Variants in TNFRSF10B observed in about 807,000 individuals in gnomAD.
TNFRSF10B encodes TNF receptor superfamily member 10b.
In TNFRSF10B, 35 loss-of-function variants were observed where a neutral mutation model predicts 41.4. That is an observed-to-expected ratio of 0.85 (90% CI 0.65 to 1.12). The LOEUF (loss-of-function observed/expected upper bound fraction) is 1.12, where lower values mean the gene tolerates loss of function less well. TNFRSF10B is among the 50% of genes most tolerant of loss of function. TNFRSF10B has a pLI of 0.00. For synonymous variants in TNFRSF10B, 230 were observed against 215.5 expected (o/e 1.07, Z -0.59); for missense variants, 584 against 552.7 (o/e 1.06, Z -0.57).
chr8:23,029,462 G>T (rs962792699), intron 4 of TNFRSF10B, 148 bp downstream of exon 4: 51 of 746,094 alleles, frequency 6.8e-5, no homozygotes, highest in Admixed American at 1.2e-4. Context: ...GGGGGCAGGG[G>T]TGGTGACACG....
At chr8:23,053,680 T>C (rs1023189966) in intron 1 of TNFRSF10B, among the ~76,000 whole-genome samples, 7 of 152,208 alleles carry the variant, frequency 4.6e-5, no homozygotes, top group African/African-American at 1.4e-4. Flanking sequence ...GAAAGGTCTA[T>C]AAAACTCTTA....
chr8:23,029,553 G>T, intron 4 of TNFRSF10B, 57 bp downstream of exon 4: 1 of 1,519,348 alleles, frequency 6.6e-7, no homozygotes, highest in Non-Finnish European at 9.0e-7. Context: ...GGTACAAGGA[G>T]ACTTGGGTCT....
chr8:23,061,637 C>T (rs1279983271), intron 1 of TNFRSF10B, among the ~76,000 whole-genome samples: 1 of 152,178 alleles, frequency 6.6e-6, no homozygotes, highest in Admixed American at 6.5e-5. Context: ...AGCTTTCCGT[C>T]TTTCAACACT....
At chr8:23,068,523 A>C in intron 1 of TNFRSF10B, 46 of 608,752 alleles carry the variant, frequency 7.6e-5, no homozygotes, top group East Asian at 2.1e-4. Context: ...GGATTCGGGA[A>C]TTTACACCAA....
chr8:23,051,765 C>G lies in TNFRSF10B; in HGVS notation c.145-8522G>C, dbSNP rs1047917651. On this transcript the variant is annotated intron_variant, in intron 1 of 8. Coordinates refer to ENST00000276431, the MANE Select transcript of TNFRSF10B (RefSeq NM_003842.5). ...TCATCATGTTAGCCAGGATGGTCTC[C>G]ATCTCCTGACCTTCTGATCCGCCCA... 9.2e-5 allele frequency among the ~76,000 whole-genome samples: 14 copies of G among 152,052 alleles called. No homozygotes were observed. The East Asian group carries it at 1.9e-3, about 21-fold the overall frequency.
rs781354427 is a variant in TNFRSF10B, at chr8:23,068,956, G to A, written c.-62C>T. On this transcript the variant is annotated 5_prime_UTR_variant, in exon 1 of 9. Coordinates refer to ENST00000276431, the MANE Select transcript of TNFRSF10B (RefSeq NM_003842.5). ...TGGGTTTCAGCCCTTAAAGTAGATC[G>A]GGCATCGTCGGTGTATTTTGTGGGC... 6.2e-7 allele frequency: 1 copy of A among 1,611,752 alleles called. No homozygotes were observed. The highest frequency in any genetic ancestry group is 8.5e-7 in the Non-Finnish European group (1 of 1,179,284).
At position 23,046,924 on chromosome 8, in the gene TNFRSF10B, C is replaced by T. The variant is rs1294237208; in HGVS notation, c.145-3681G>A. 5.9e-5 allele frequency among the ~76,000 whole-genome samples: 9 copies of T among 152,008 alleles called. No individual in the cohort carries two copies. The East Asian group carries it at 1.7e-3, about 29-fold the overall frequency. ...CATATGCACAAGAATGAAACTGGAC[C>T]CTTATCTTACACCATATACAAAAAT... On this transcript the variant is annotated intron_variant, in intron 1 of 8. Coordinates refer to ENST00000276431, the MANE Select transcript of TNFRSF10B (RefSeq NM_003842.5).
chr8:23,030,624 G>C, intron 3 of TNFRSF10B, 135 bp downstream of exon 3: 1 of 705,042 alleles, frequency 1.4e-6, no homozygotes. Context: ...AAAGCTCAAA[G>C]ACAAAATCAT....
rs1399341845 is a variant in TNFRSF10B, at chr8:23,022,192, C to G, written c.*479G>C. ...GGAGAATCGCTTGAGCCTGAGAGGT[C>G]AAGGCTATAGTGAGCCAAGATTGCA... On this transcript the variant is annotated 3_prime_UTR_variant, in exon 9 of 9. Coordinates refer to ENST00000276431, the MANE Select transcript of TNFRSF10B (RefSeq NM_003842.5). The G allele has an allele frequency of 6.7e-6, 3 of 450,982 alleles. No individual in the cohort carries two copies. The East Asian group carries it at 2.1e-4, about 31-fold the overall frequency. The allele number at this position is 450,982 out of a possible 1,614,324, so 27.9% of individuals were successfully genotyped here. A position where few individuals can be genotyped will look rare whatever the true frequency, so the allele number is the denominator to read the frequency against.
rs776143763 is a variant in TNFRSF10B at position 23,021,509 on chromosome 8, A to G, written c.*1162T>C. 367 of 454,012 alleles carry G rather than the reference A, an allele frequency of 8.1e-4. 2 individuals carry two copies. The highest frequency in any genetic ancestry group is 1.2e-3 in the Non-Finnish European group (283 of 226,796). 28.1% of individuals were successfully genotyped at this position (454,012 alleles called of 1,614,324 possible). Reference sequence around the variant, plus strand: ...TGTCTTCTATCTCCTGAGCCCAAACAGGGCTCAAGTTCACTTGGGATATGA... The same window carrying G: ...TGTCTTCTATCTCCTGAGCCCAAACGGGGCTCAAGTTCACTTGGGATATGA... On this transcript the variant is annotated 3_prime_UTR_variant, in exon 9 of 9. Coordinates refer to ENST00000276431, the MANE Select transcript of TNFRSF10B (RefSeq NM_003842.5).
chr8:23,034,502 G>A (rs532680127), intron 2 of TNFRSF10B, among the ~76,000 whole-genome samples: 17 of 152,312 alleles, frequency 1.1e-4, no homozygotes, highest in Non-Finnish European at 1.8e-4. Context: ...CAGGGCAGGA[G>A]GATTACTTGA....
chr8:23,046,361 T>A, intron 1 of TNFRSF10B, among the ~76,000 whole-genome samples: 1 of 151,826 alleles, frequency 6.6e-6, no homozygotes, highest in Non-Finnish European at 1.5e-5. Context: ...AAAAAATTAG[T>A]AAATTTAACT....
chr8:23,035,143 AT>A lies in TNFRSF10B; in HGVS notation c.251-4272del, dbSNP rs767212383. On this transcript the variant is annotated intron_variant, in intron 2 of 8. Coordinates refer to ENST00000276431, the MANE Select transcript of TNFRSF10B (RefSeq NM_003842.5). Reference sequence around the variant, plus strand: ...CTATGTCATAATTTAGTTTGCAGGTATTTTTTTTTTTTTAATTAAACAGAGT... The same window carrying A: ...CTATGTCATAATTTAGTTTGCAGGTATTTTTTTTTTTTAATTAAACAGAGT... 7.9e-3 allele frequency among the ~76,000 whole-genome samples: 1,129 copies of A among 142,018 alleles called. 3 individuals are homozygous for A. Among genetic ancestry groups the A allele is most frequent in the African/African-American group, 0.014 (535 of 37,498 alleles). The allele number at this position is 142,018 out of a possible 152,430, so 93.2% of individuals were successfully genotyped here. A position where few individuals can be genotyped will look rare whatever the true frequency, so the allele number is the denominator to read the frequency against.
chr8:23,030,594 G>T (rs527934030), intron 3 of TNFRSF10B, among the ~76,000 whole-genome samples, 165 bp downstream of exon 3: 1 of 151,910 alleles, frequency 6.6e-6, no homozygotes, highest in Non-Finnish European at 1.5e-5. Context: ...CCACTGTGCC[G>T]GGCCTGTTTT....
chr8:23,060,715 T>C (rs1376310883), intron 1 of TNFRSF10B, among the ~76,000 whole-genome samples: 1 of 152,244 alleles, frequency 6.6e-6, no homozygotes, highest in Non-Finnish European at 1.5e-5. Context: ...ATTGAATGTA[T>C]AGATCACTTT....
intron 2 of TNFRSF10B, among the ~76,000 whole-genome samples, chr8:23,041,860 C>T (rs1156234697): frequency 6.6e-6 from 1 of 152,158 alleles, no homozygotes; most frequent in Non-Finnish European, 1.5e-5. Context: ...GTCCTGTCTC[C>T]CTGGCCTATC....
rs985170916 is a variant in TNFRSF10B at position 23,030,774 on chromosome 8, T to G, written c.349A>C (p.Thr117Pro). ...TGTTCTGTACCTGAATCACACCTGGTGCAGCGCAAGCAGAAAAGGAGGTCA... is the reference window on the plus strand; with the variant it reads ...TGTTCTGTACCTGAATCACACCTGGGGCAGCGCAAGCAGAAAAGGAGGTCA... ...WNDLLFCLRCTRCDSGEVELS... is the reference protein window; with the variant it reads ...WNDLLFCLRCPRCDSGEVELS... Residue 117 changes from threonine to proline, a missense_variant, in exon 3 of 9, where the codon ACC becomes CCC. By Grantham distance (38) the Thr-to-Pro change is conservative. Coordinates refer to ENST00000276431, the MANE Select transcript of TNFRSF10B (RefSeq NM_003842.5). 6.2e-7 allele frequency: 1 copy of G among 1,612,586 alleles called. No individual in the cohort carries two copies. Among genetic ancestry groups the G allele is most frequent in the African/African-American group, 1.3e-5 (1 of 74,794 alleles).
At chr8:23,024,128 G>C in intron 8 of TNFRSF10B, 60 bp downstream of exon 8, 1 of 1,601,208 alleles carries the variant, frequency 6.2e-7, no homozygotes, top group Non-Finnish European at 8.6e-7. Context: ...GGGGACAGCA[G>C]TTAGGACCCT....
chr8:23,064,229 G>GA (rs1186675038), intron 1 of TNFRSF10B, among the ~76,000 whole-genome samples: 1 of 152,258 alleles, frequency 6.6e-6, no homozygotes, highest in African/African-American at 2.4e-5. Context: ...GGACATAGAG[G>GA]AAAGAGTGCA....
Sources: gnomAD v4.1 joint callset for allele counts (sites outside exome capture counted in the v4.1 genomes callset) on GRCh38, gnomAD v4.1.1 for gene constraint, MANE v1.5 for transcripts, NCBI Gene and HGNC (gene_info 2026-07-23, HGNC 2026-07-21) for gene names.